Variants in DUSP29 observed in about 807,000 individuals in gnomAD.
DUSP29 encodes dual specificity phosphatase 29.
In DUSP29, 12 loss-of-function variants were observed where a neutral mutation model predicts 13.5. That is an observed-to-expected ratio of 0.89 (90% CI 0.57 to 1.44). The LOEUF (loss-of-function observed/expected upper bound fraction) is 1.44, where lower values mean the gene tolerates loss of function less well. DUSP29 is among the 40% of genes most tolerant of loss of function. DUSP29 has a pLI of 0.00. For synonymous variants in DUSP29, 134 were observed against 128.7 expected, an observed-to-expected ratio of 1.04 and a Z score of -0.28; for missense variants, 308 against 301.1, an observed-to-expected ratio of 1.02 and a Z score of -0.17.
At chr10:75,066,958 C>CT (rs61298475) in intron 1 of DUSP29, among the ~76,000 whole-genome samples, 64,552 of 139,468 alleles carry the variant, frequency 0.46, 16,976 homozygotes, top group East Asian at 0.79. Context: ...TTTTCTTTTT[C>CT]TTTTTTTTTT....
At chr10:75,043,131 C>T (rs1377305040) in intron 3 of DUSP29, among the ~76,000 whole-genome samples, 1 of 152,230 alleles carries the variant, frequency 6.6e-6, no homozygotes, top group East Asian at 1.9e-4. Context: ...GTGCAAAACC[C>T]AAATTATACC....
chr10:75,070,070 AAAGGAAGGAAGGAAGGAAG>A (rs1847293477), intron 1 of DUSP29, among the ~76,000 whole-genome samples: 10 of 105,362 alleles, frequency 9.5e-5, no homozygotes, highest in African/African-American at 3.7e-4. Flanking sequence ...AAGAAAGAAG[AAAGGAAGGAAGGAAGGAAG>A]GAAGGAAGGA....
chr10:75,046,652 G>A (rs768041799), intron 2 of DUSP29, among the ~76,000 whole-genome samples: 16 of 152,244 alleles, frequency 1.1e-4, no homozygotes, highest in Non-Finnish European at 5.9e-5. Flanking sequence ...GAGTCCCACT[G>A]AGCCCCCCTC....
chr10:75,041,607 CTTGAA>C (rs1846585286), intron 3 of DUSP29, among the ~76,000 whole-genome samples: 1 of 152,180 alleles, frequency 6.6e-6, no homozygotes, highest in South Asian at 2.1e-4. Flanking sequence ...TGAGCCCTGA[CTTGAA>C]TTATTTAGAT....
intron 2 of DUSP29, among the ~76,000 whole-genome samples, chr10:75,050,172 A>C (rs1367541298): frequency 1.3e-5 from 2 of 152,222 alleles, no homozygotes; most frequent in African/African-American, 2.4e-5. Context: ...GGTAGCCAGG[A>C]TATTTCCCCT....
At chr10:75,045,027 T>C (rs1341296362) in intron 2 of DUSP29, among the ~76,000 whole-genome samples, 1 of 152,194 alleles carries the variant, frequency 6.6e-6, no homozygotes, top group East Asian at 1.9e-4. Flanking sequence ...TGCAATCTAT[T>C]ATGTGCCAGG....
At chr10:75,041,743 C>G (rs1322699159) in intron 3 of DUSP29, among the ~76,000 whole-genome samples, 2 of 152,316 alleles carry the variant, frequency 1.3e-5, no homozygotes, top group African/African-American at 2.4e-5. Context: ...CATTCTATCC[C>G]ACTCATAGTC....
At chr10:75,068,173 T>A (rs966925944) in intron 1 of DUSP29, among the ~76,000 whole-genome samples, 1 of 152,088 alleles carries the variant, frequency 6.6e-6, no homozygotes, top group Admixed American at 6.5e-5. Context: ...ACCTTAGCAT[T>A]TTAAAATACA....
intron 3 of DUSP29, among the ~76,000 whole-genome samples, chr10:75,040,614 CAA>C (rs985420250): frequency 3.3e-5 from 5 of 152,176 alleles, no homozygotes; most frequent in Non-Finnish European, 7.3e-5. Context: ...TCTTATACAG[CAA>C]AGTCACCAGG....
chr10:75,039,772 G>A (rs1488485038), intron 3 of DUSP29, among the ~76,000 whole-genome samples: 1 of 152,182 alleles, frequency 6.6e-6, no homozygotes, highest in Non-Finnish European at 1.5e-5. Context: ...AATTCTGGTA[G>A]AGCCCTTACT....
intron 2 of DUSP29, among the ~76,000 whole-genome samples, chr10:75,053,517 A>T (rs1846890771): frequency 1.3e-5 from 2 of 152,200 alleles, no homozygotes; most frequent in South Asian, 4.1e-4. Context: ...AGGTGAAGAG[A>T]GGTAAAATAA....
intron 1 of DUSP29, among the ~76,000 whole-genome samples, chr10:75,072,819 T>C (rs1169067635): frequency 6.6e-6 from 1 of 152,034 alleles, no homozygotes; most frequent in Admixed American, 6.5e-5. Flanking sequence ...AAGGGACCCC[T>C]GGGGTCACAG....
At chr10:75,038,741 G>T (rs1485713170) in intron 3 of DUSP29, among the ~76,000 whole-genome samples, 1 of 151,932 alleles carries the variant, frequency 6.6e-6, no homozygotes, top group East Asian at 1.9e-4. Flanking sequence ...GGGAGGTGGA[G>T]GGAGCAGGAG....
chr10:75,039,625 T>C (rs1772416624), intron 3 of DUSP29, among the ~76,000 whole-genome samples: 1 of 152,164 alleles, frequency 6.6e-6, no homozygotes, highest in Admixed American at 6.5e-5. Flanking sequence ...GCTAAGACTG[T>C]TACCCTGCAC....
In DUSP29 at chr10:75,054,625, T is replaced by C. The variant is rs187212777; in HGVS notation, c.200+3690A>G. ...GGAGTATCTTTGAAGTAATGGCCTT[T>C]GGTGACTGCTTTGGGATATTGAAAG... On this transcript the variant is annotated intron_variant, in intron 2 of 3. Coordinates refer to ENST00000338487, the MANE Select transcript of DUSP29 (RefSeq NM_001003892.3). Among the ~76,000 whole-genome samples the C allele has an allele frequency of 2.0e-5, 3 of 152,344 alleles. No homozygotes were observed. The East Asian group carries it at 5.8e-4, about 29-fold the overall frequency.
intron 3 of DUSP29, 117 bp from the exon 4 acceptor site, chr10:75,038,194 T>C (rs1022693727): frequency 1.2e-5 from 16 of 1,357,198 alleles, no homozygotes; most frequent in Non-Finnish European, 1.5e-5. Context: ...GACTCAGCAC[T>C]GTGCCCCACA....
At chr10:75,044,064 G>T (rs776932679) in intron 2 of DUSP29, 47 bp from the exon 3 acceptor site, 2 of 1,562,820 alleles carry the variant, frequency 1.3e-6, no homozygotes, top group Admixed American at 1.8e-5. Context: ...GCCCTGCCCC[G>T]GGTCCGGGAA....
chr10:75,042,819 C>T, intron 3 of DUSP29, among the ~76,000 whole-genome samples: 1 of 152,246 alleles, frequency 6.6e-6, no homozygotes, highest in East Asian at 1.9e-4. Context: ...TTTCAGTAAC[C>T]AGATACCCTG....
chr10:75,041,669 A>G (rs1846586696), intron 3 of DUSP29, among the ~76,000 whole-genome samples: 1 of 152,190 alleles, frequency 6.6e-6, no homozygotes, highest in South Asian at 2.1e-4. Context: ...TGCCATCTCC[A>G]GTGGGGTCAT....
Sources: gnomAD v4.1 joint callset for allele counts (sites outside exome capture counted in the v4.1 genomes callset) on GRCh38, gnomAD v4.1.1 for gene constraint, MANE v1.5 for transcripts, NCBI Gene and HGNC (gene_info 2026-07-23, HGNC 2026-07-21) for gene names.